Variants in ZNF532 observed in about 807,000 individuals in gnomAD.
The protein encoded by ZNF532 is zinc finger protein 532.
A neutral mutation model predicts 89.3 loss-of-function variants in ZNF532; 22 were observed. The ratio of observed to expected loss-of-function variants is 0.25; its 90% confidence interval spans 0.18 to 0.35. The LOEUF (loss-of-function observed/expected upper bound fraction) is 0.35. ZNF532 is among the 10% of genes least tolerant of loss of function. The pLI, the probability that ZNF532 is intolerant of heterozygous loss-of-function variation, is 1.00. For synonymous variants in ZNF532, 606 were observed against 649.6 expected (o/e 0.93, Z 1.02); for missense variants, 1,132 against 1,643.4 (o/e 0.69, Z 5.38).
At chr18:58,907,444 C>T (rs370656109) in intron 2 of ZNF532, among the ~76,000 whole-genome samples, 1 of 152,014 alleles carries the variant, frequency 6.6e-6, no homozygotes, top group East Asian at 1.9e-4. Flanking sequence ...CCACCTTGGC[C>T]TCCCAAAGTG....
intron 2 of ZNF532, among the ~76,000 whole-genome samples, chr18:58,874,353 AT>A (rs940786541): frequency 6.0e-5 from 9 of 150,572 alleles, no homozygotes; most frequent in African/African-American, 1.9e-4. Context: ...TTATTCTATT[AT>A]TTTTTTTGAG....
At chr18:58,911,655 C>A (rs1298350237) in intron 2 of ZNF532, among the ~76,000 whole-genome samples, 1 of 152,180 alleles carries the variant, frequency 6.6e-6, no homozygotes, top group African/African-American at 2.4e-5. Flanking sequence ...GCACTGCACT[C>A]CAGCCTGGAC....
chr18:58,928,790 C>T (rs1443064442), intron 3 of ZNF532, among the ~76,000 whole-genome samples: 1 of 152,188 alleles, frequency 6.6e-6, no homozygotes, highest in Admixed American at 6.5e-5. Context: ...ATAATCTCTG[C>T]TTTGGGTTAC....
At chr18:58,886,155 T>G (rs1282152871) in intron 2 of ZNF532, among the ~76,000 whole-genome samples, 1 of 151,902 alleles carries the variant, frequency 6.6e-6, no homozygotes, top group African/African-American at 2.4e-5. Flanking sequence ...TTTTGTATTT[T>G]TTTTTAGTAG....
At chr18:58,875,826 G>T (rs564326869) in intron 2 of ZNF532, among the ~76,000 whole-genome samples, 1 of 151,750 alleles carries the variant, frequency 6.6e-6, no homozygotes, top group East Asian at 1.9e-4. Context: ...CATCTTTTCC[G>T]TGTAAAAGCT....
In ZNF532 at chr18:58,918,528, G is replaced by T. The variant is rs760184532; in HGVS notation, c.241G>T (p.Gly81Cys). ...IDSSEGGEKDGHNPTGNGLHN... is the reference protein window; with the variant it reads ...IDSSEGGEKDCHNPTGNGLHN... ...CTCTTCCGAGGGCGGGGAGAAAGAC[G>T]GCCACAACCCCACTGGCAATGGCTT... The change falls in exon 3 of 10, where the codon GGC becomes TGC. Residue 81 changes from glycine (G) to cysteine (C), a missense_variant. Gly to Cys is a radical substitution (Grantham distance 159). This residue lies in a region of ZNF532 where 302 missense variants were observed against 319.8 expected (regional missense o/e 0.94). Transcript: ENST00000591808. The T allele has an allele frequency of 1.2e-6, 2 of 1,614,172 alleles. No individual in the cohort carries two copies. Among genetic ancestry groups the T allele is most frequent in the Non-Finnish European group, 8.5e-7 (1 of 1,180,048 alleles).
chr18:58,901,058 C>T (rs2145646227), intron 2 of ZNF532, among the ~76,000 whole-genome samples: 1 of 152,302 alleles, frequency 6.6e-6, no homozygotes, highest in East Asian at 1.9e-4. Flanking sequence ...TATTAAAATT[C>T]AAAAACCATC....
chr18:58,867,650 G>A (rs1380158808), intron 2 of ZNF532, among the ~76,000 whole-genome samples: 1 of 152,224 alleles, frequency 6.6e-6, no homozygotes, highest in African/African-American at 2.4e-5. Flanking sequence ...GGTCGGCAGT[G>A]CCTGTAGCAG....
Position 58,918,497 on chromosome 18 carries a change from C to T in ZNF532, c.210C>T (p.Asn70=), listed in dbSNP as rs1391630258. 2 of 1,614,200 alleles carry T rather than the reference C, an allele frequency of 1.2e-6. No individual in the cohort carries two copies. The highest frequency in any genetic ancestry group is 1.6e-4 in the Middle Eastern group (1 of 6,062). The part of the protein sequence containing the change: ...GVSVIVKNVR[N]IDSSEGGEKD... ...GCGTTATCGTCAAGAATGTTCGGAA[C>T]ATTGACTCTTCCGAGGGCGGGGAGA... Residue 70 remains asparagine, a synonymous_variant, in exon 3 of 10, where the codon AAC becomes AAT. Transcript: ENST00000591808.
chr18:58,894,807 G>C (rs1459988607), intron 2 of ZNF532, among the ~76,000 whole-genome samples: 1 of 152,154 alleles, frequency 6.6e-6, no homozygotes, highest in Non-Finnish European at 1.5e-5. Context: ...TAATGTTGTT[G>C]TCTACTTGGA....
In ZNF532 at chr18:58,901,049, A is replaced by T. The variant is rs983714553; in HGVS notation, c.-17-17222A>T. The stretch of plus-strand genomic sequence containing the variant: ...GGGCAGTCCTTGCCATGTATAAAAT[A>T]TTAAAATTCAAAAACCATCTGCCTG... On this transcript the variant is annotated intron_variant, in intron 2 of 9. Coordinates refer to ENST00000591808, the MANE Select transcript of ZNF532 (RefSeq NM_001375912.1). 3.9e-5 allele frequency among the ~76,000 whole-genome samples: 6 copies of T among 152,212 alleles called. No individual in the cohort carries two copies. The South Asian group carries it at 1.0e-3, about 26-fold the overall frequency.
chr18:58,901,134 C>T (rs1401926223), intron 2 of ZNF532, among the ~76,000 whole-genome samples: 2 of 152,128 alleles, frequency 1.3e-5, no homozygotes, highest in Non-Finnish European at 2.9e-5. Flanking sequence ...TCCTCTGGGT[C>T]TCTTTCTTTT....
intron 5 of ZNF532, among the ~76,000 whole-genome samples, chr18:58,942,126 C>G (rs1045500024): frequency 2.6e-5 from 4 of 151,398 alleles, no homozygotes; most frequent in Non-Finnish European, 5.9e-5. Context: ...GAGTTCAAGC[C>G]ATTCTCCTGC....
chr18:58,877,153 C>T (rs2057496608), intron 2 of ZNF532, among the ~76,000 whole-genome samples: 1 of 152,154 alleles, frequency 6.6e-6, no homozygotes, highest in African/African-American at 2.4e-5. Context: ...GTTAGCTTGC[C>T]ACCGTTTCTG....
intron 6 of ZNF532, among the ~76,000 whole-genome samples, chr18:58,951,907 C>G (rs982436136): frequency 6.6e-6 from 1 of 152,136 alleles, no homozygotes; most frequent in Non-Finnish European, 1.5e-5. Context: ...CCTCGGCCTC[C>G]CAAAGTGCTG....
chr18:58,903,679 T>C (rs1602890515), intron 2 of ZNF532, among the ~76,000 whole-genome samples: 1 of 152,082 alleles, frequency 6.6e-6, no homozygotes, highest in Non-Finnish European at 1.5e-5. Flanking sequence ...GAGTCTGATA[T>C]TGAGTAAGAG....
chr18:58,901,587 T>C (rs1381900127), intron 2 of ZNF532, among the ~76,000 whole-genome samples: 1 of 152,114 alleles, frequency 6.6e-6, no homozygotes, highest in East Asian at 1.9e-4. Flanking sequence ...AGAGCACTGG[T>C]GTGGGTAATT....
intron 2 of ZNF532, among the ~76,000 whole-genome samples, chr18:58,897,527 A>T (rs974037748): frequency 1.3e-5 from 2 of 152,262 alleles, no homozygotes; most frequent in African/African-American, 4.8e-5. Context: ...ACTAAATGCA[A>T]CAACAACCTT....
At chr18:58,929,817 A>C (rs1246760690) in intron 3 of ZNF532, among the ~76,000 whole-genome samples, 1 of 152,240 alleles carries the variant, frequency 6.6e-6, no homozygotes, top group African/African-American at 2.4e-5. Context: ...CTTCCATTTA[A>C]GTGAGATCTG....
Sources: allele counts gnomAD v4.1 joint callset (sites outside exome capture counted in the v4.1 genomes callset), GRCh38; gene constraint gnomAD v4.1.1; regional missense constraint gnomAD v4.1.1; transcripts MANE v1.5; gene names NCBI Gene and HGNC (gene_info 2026-07-23, HGNC 2026-07-21).